The following PPP2R2B variants were observed in gnomAD, a reference collection of about 807,000 sequenced individuals.
PPP2R2B encodes the protein protein phosphatase 2 regulatory subunit Bbeta.
A neutral mutation model predicts 46.0 loss-of-function variants in PPP2R2B; 5 were observed. The observed-to-expected ratio is 0.11, with a 90% CI of 0.06 to 0.23. PPP2R2B has a LOEUF of 0.23. PPP2R2B is among the 10% of genes least tolerant of loss of function. PPP2R2B has a pLI of 1.00. For synonymous variants in PPP2R2B, 215 were observed against 206.7 expected (o/e 1.04, Z -0.34); for missense variants, 367 against 575.0 (o/e 0.64, Z 3.70).
At chr5:146,980,016 A>T (rs1215950610) in intron 1 of PPP2R2B, among the ~76,000 whole-genome samples, 1 of 152,194 alleles carries the variant, frequency 6.6e-6, no homozygotes, top group African/African-American at 2.4e-5. Flanking sequence ...GGTGGTTTTC[A>T]TCTTCGAGAT....
intron 1 of PPP2R2B, among the ~76,000 whole-genome samples, chr5:147,017,746 TG>T (rs1348932895): frequency 3.3e-5 from 5 of 152,046 alleles, no homozygotes; most frequent in Non-Finnish European, 5.9e-5. Flanking sequence ...CAAAAGGCAT[TG>T]TAAATTAGGT....
intron 1 of PPP2R2B, among the ~76,000 whole-genome samples, chr5:146,997,112 G>C (rs753531664): frequency 2.0e-5 from 3 of 152,102 alleles, no homozygotes; most frequent in Non-Finnish European, 4.4e-5. Flanking sequence ...AATGTACTCA[G>C]TTGTTAAACA....
intron 6 of PPP2R2B, among the ~76,000 whole-genome samples, chr5:146,640,964 C>T (rs1344364050): frequency 6.6e-6 from 1 of 152,136 alleles, no homozygotes; most frequent in Non-Finnish European, 1.5e-5. Context: ...CCCAGCAGGT[C>T]TCAGTCTTCC....
intron 1 of PPP2R2B, among the ~76,000 whole-genome samples, chr5:147,046,281 G>A (rs988145651): frequency 2.0e-5 from 3 of 152,158 alleles, no homozygotes; most frequent in Non-Finnish European, 2.9e-5. Flanking sequence ...TGACATTCTC[G>A]TGTATCAACA....
intron 7 of PPP2R2B, among the ~76,000 whole-genome samples, chr5:146,609,712 G>T (rs964704972): frequency 6.8e-6 from 1 of 147,104 alleles, no homozygotes; most frequent in African/African-American, 2.6e-5. Flanking sequence ...TTCCCTTTCC[G>T]AGTCAAAGAA....
At chr5:146,781,868 T>C (rs567766545) in intron 2 of PPP2R2B, among the ~76,000 whole-genome samples, 2 of 152,316 alleles carry the variant, frequency 1.3e-5, no homozygotes, top group Admixed American at 1.3e-4. Flanking sequence ...ACTGATATGA[T>C]TGGGATCTGT....
intron 7 of PPP2R2B, among the ~76,000 whole-genome samples, chr5:146,603,837 C>T (rs939086090): frequency 6.3e-4 from 96 of 152,250 alleles, no homozygotes; most frequent in African/African-American, 2.2e-3. Context: ...GGTTTTATAA[C>T]CAGTCCAGGG....
chr5:146,702,807 T>C (rs1779618864), intron 2 of PPP2R2B, among the ~76,000 whole-genome samples: 1 of 152,224 alleles, frequency 6.6e-6, no homozygotes, highest in African/African-American at 2.4e-5. Context: ...ATTCCAATAC[T>C]GATGCTCTTA....
chr5:146,981,971 A>G (rs1033260116), intron 1 of PPP2R2B, among the ~76,000 whole-genome samples: 1 of 152,222 alleles, frequency 6.6e-6, no homozygotes, highest in Non-Finnish European at 1.5e-5. Context: ...CATTTGGTCA[A>G]TGATGGAGTT....
chr5:146,726,746 T>C (rs1233993436), intron 2 of PPP2R2B, among the ~76,000 whole-genome samples: 1 of 152,204 alleles, frequency 6.6e-6, no homozygotes, highest in Non-Finnish European at 1.5e-5. Context: ...CTGAGAAATC[T>C]ACTTTACAAA....
At chr5:146,903,026 A>G (rs754979531) in intron 1 of PPP2R2B, among the ~76,000 whole-genome samples, 1 of 152,156 alleles carries the variant, frequency 6.6e-6, no homozygotes, top group Non-Finnish European at 1.5e-5. Flanking sequence ...GCACTCTGTG[A>G]TATGCGATAT....
In PPP2R2B at chr5:146,708,342, G is replaced by A. The variant is rs1780000738; in HGVS notation, c.71-7200C>T. ...ACTGCACTCACACCTGGGCGACAGAGCCAGACTTGGTCTCAAAAAAAAAAA... is the reference window on the plus strand; with the variant it reads ...ACTGCACTCACACCTGGGCGACAGAACCAGACTTGGTCTCAAAAAAAAAAA... On this transcript the variant is annotated intron_variant, in intron 2 of 9. Transcript: ENST00000394411. Among the ~76,000 whole-genome samples the A allele has an allele frequency of 2.1e-5, 3 of 145,736 alleles. No individual in the cohort carries two copies. In the South Asian group the frequency reaches 6.6e-4, roughly 32 times the overall value.
intron 3 of PPP2R2B, among the ~76,000 whole-genome samples, chr5:146,699,374 T>C (rs1370406432): frequency 1.3e-5 from 2 of 152,190 alleles, no homozygotes; most frequent in Non-Finnish European, 2.9e-5. Context: ...TAGTGCTCAT[T>C]TTAATCCCAA....
chr5:146,615,490 C>A (rs1410845762), intron 7 of PPP2R2B, among the ~76,000 whole-genome samples: 5 of 87,916 alleles, frequency 5.7e-5, no homozygotes, highest in Admixed American at 2.7e-4. Context: ...TACCCTAAAA[C>A]TTAGAGTATA....
At chr5:146,660,345 G>A (rs537076861) in intron 5 of PPP2R2B, among the ~76,000 whole-genome samples, 9 of 152,242 alleles carry the variant, frequency 5.9e-5, no homozygotes, top group African/African-American at 2.2e-4. Flanking sequence ...TTAAAAACGT[G>A]AAAAGAAGCA....
intron 2 of PPP2R2B, among the ~76,000 whole-genome samples, chr5:146,809,862 T>G (rs767283395): frequency 3.3e-5 from 5 of 152,182 alleles, no homozygotes; most frequent in Non-Finnish European, 7.3e-5. Context: ...GGGCTCTGTC[T>G]GTAGTGCAGG....
intron 1 of PPP2R2B, among the ~76,000 whole-genome samples, chr5:146,970,322 C>T (rs1037419532): frequency 2.6e-5 from 4 of 151,758 alleles, no homozygotes; most frequent in Admixed American, 1.3e-4. Flanking sequence ...GAAGACCAGC[C>T]GGGTGCGGTG....
At chr5:146,616,996 T>G (rs996546835) in intron 7 of PPP2R2B, 5 of 152,198 alleles carry the variant, frequency 3.3e-5, no homozygotes, top group Non-Finnish European at 1.5e-5. Context: ...GATGAATGGA[T>G]AAAGAAAATG....
chr5:146,697,759 C>T (rs780690944), intron 4 of PPP2R2B, among the ~76,000 whole-genome samples: 4 of 152,144 alleles, frequency 2.6e-5, no homozygotes, highest in Non-Finnish European at 4.4e-5. Flanking sequence ...ATGGGTCTCA[C>T]ATAATTGGGT....
Sources: allele counts gnomAD v4.1 joint callset (sites outside exome capture counted in the v4.1 genomes callset), GRCh38; gene constraint gnomAD v4.1.1; transcripts MANE v1.5; gene names NCBI Gene and HGNC (gene_info 2026-07-23, HGNC 2026-07-21).